The following FAM20C variants were observed in gnomAD, a reference collection of about 807,000 sequenced individuals.
FAM20C encodes the protein FAM20C golgi associated secretory pathway kinase.
In FAM20C, 40 loss-of-function variants were observed where a neutral mutation model predicts 51.5. The ratio of observed to expected loss-of-function variants is 0.78; its 90% CI spans 0.60 to 1.01. The LOEUF is 1.01. FAM20C is among the 50% of genes least tolerant of loss of function. The probability of loss-of-function intolerance (pLI) is 0.00; values close to 1 mark genes in which losing one functional copy is unlikely to be tolerated. For missense variants in FAM20C, 861 were observed against 844.7 expected (o/e 1.02, Z -0.24); for synonymous variants, 406 against 380.6 (o/e 1.07, Z -0.78).
chr7:196,210 C>A (rs192667955), intron 2 of FAM20C, among the ~76,000 whole-genome samples: 1 of 152,226 alleles, frequency 6.6e-6, no homozygotes, highest in East Asian at 1.9e-4. Flanking sequence ...CTCAGCAAGG[C>A]GCTGTGCAGT....
chr7:216,684 A>AGACTGAGT (rs1562376383), intron 3 of FAM20C, among the ~76,000 whole-genome samples: 4 of 149,376 alleles, frequency 2.7e-5, no homozygotes, highest in African/African-American at 2.5e-5. Context: ...TGTGTGTGAG[A>AGACTGAGT]GTGTGTGTGT....
At chr7:242,282 G>T (rs1400014942) in intron 3 of FAM20C, among the ~76,000 whole-genome samples, 2 of 152,216 alleles carry the variant, frequency 1.3e-5, no homozygotes, top group Non-Finnish European at 2.9e-5. Context: ...GCAGCAAGAT[G>T]AACACCCAGA....
At chr7:220,498 G>A (rs927734018) in intron 3 of FAM20C, among the ~76,000 whole-genome samples, 1 of 152,196 alleles carries the variant, frequency 6.6e-6, no homozygotes, top group Non-Finnish European at 1.5e-5. Context: ...GAGCATGGCA[G>A]AGACGGGCTT....
intron 3 of FAM20C, among the ~76,000 whole-genome samples, chr7:216,839 C>T (rs552177753): frequency 2.8e-4 from 43 of 152,226 alleles, no homozygotes; most frequent in African/African-American, 1.0e-3. Context: ...GCGGGGCTGA[C>T]ACAGTATTTC....
At chr7:206,621 G>T (rs1228177429) in intron 2 of FAM20C, among the ~76,000 whole-genome samples, 2 of 129,112 alleles carry the variant, frequency 1.5e-5, no homozygotes, top group African/African-American at 2.8e-5. Context: ...CGTCTGTCAT[G>T]GTCCCCTCGG....
chr7:255,623 G>A (rs1042186791), intron 5 of FAM20C, among the ~76,000 whole-genome samples: 1 of 152,158 alleles, frequency 6.6e-6, no homozygotes, highest in African/African-American at 2.4e-5. Flanking sequence ...GGTTCAGGCC[G>A]GGCTCTGCCT....
intron 3 of FAM20C, among the ~76,000 whole-genome samples, chr7:226,392 C>T (rs536282764): frequency 1.2e-4 from 19 of 152,310 alleles, no homozygotes; most frequent in African/African-American, 3.4e-4. Context: ...CCTGCATGGG[C>T]TGACTCAGAG....
Position 228,093 on chromosome 7 carries a change from G to A in FAM20C, c.864-18322G>A, listed in dbSNP as rs28594078. 779 of 259,172 alleles carry A rather than the reference G, an allele frequency of 3.0e-3. 4 individuals carry two copies. Among genetic ancestry groups the A allele is most frequent in the African/African-American group, 0.016 (713 of 45,622 alleles). The allele number at this position is 259,172 out of a possible 1,614,324, so 16.1% of individuals were successfully genotyped here. A position where few individuals can be genotyped will look rare whatever the true frequency, so the allele number is the denominator to read the frequency against. On this transcript the variant is annotated intron_variant, in intron 3 of 9. Coordinates refer to ENST00000313766, the MANE Select transcript of FAM20C (RefSeq NM_020223.4). ...CCCTTTAGCCGCACCACAGCGACCC[G>A]TCAGAGCTGATGGGGGACGGCGGGC...
intron 3 of FAM20C, chr7:245,810 C>T (rs1298931651): frequency 6.6e-6 from 1 of 152,338 alleles, no homozygotes; most frequent in Non-Finnish European, 1.5e-5. Context: ...ATAAACAGCC[C>T]CACCTGTGGC....
chr7:192,604 G>A lies in FAM20C; in HGVS notation c.-596G>A, dbSNP rs556715829. Reference sequence around the variant, plus strand: ...CGGCCAGGCGGGAGCTGCGCTCGGGGCGGCCGCTGCACCTGCCCGGGACCC... The same window carrying A: ...CGGCCAGGCGGGAGCTGCGCTCGGGACGGCCGCTGCACCTGCCCGGGACCC... On this transcript the variant is annotated 5_prime_UTR_variant, in exon 1 of 10. Coordinates refer to ENST00000313766, the MANE Select transcript of FAM20C (RefSeq NM_020223.4). Among the ~76,000 whole-genome samples, 50 of 150,620 alleles carry A rather than the reference G, an allele frequency of 3.3e-4. No individual in the cohort carries two copies. The highest frequency in any genetic ancestry group is 1.2e-3 in the African/African-American group (48 of 41,360).
intron 3 of FAM20C, among the ~76,000 whole-genome samples, chr7:243,944 A>AATAATTATTATT (rs771341264): frequency 8.8e-4 from 121 of 136,842 alleles, no homozygotes; most frequent in Middle Eastern, 7.2e-3. Flanking sequence ...TAATAATAAT[A>AATAATTATTATT]ATTATTATTA....
chr7:194,198 T>C, intron 1 of FAM20C: 1 of 201,536 alleles, frequency 5.0e-6, no homozygotes, highest in Non-Finnish European at 1.0e-5. Flanking sequence ...GTGGGCACCT[T>C]GGAGAAGGTC....
rs1221582917 is a variant in FAM20C at position 193,556 on chromosome 7, C to T, written c.357C>T (p.Arg119=). The T allele has an allele frequency of 5.3e-6, 8 of 1,496,618 alleles. No individual in the cohort carries two copies. The highest frequency in any genetic ancestry group is 7.1e-6 in the Non-Finnish European group (8 of 1,120,662). 92.7% of individuals were successfully genotyped at this position (1,496,618 alleles called of 1,614,324 possible). Residue 119 remains arginine, a synonymous_variant, in exon 1 of 10, where the codon CGC becomes CGT. Coordinates refer to ENST00000313766, the MANE Select transcript of FAM20C (RefSeq NM_020223.4). ...CGCCCGCGGCCGAGCCGGCCGAGCG[C>T]GCCTTGCGGGGGCGGGATCCCGGCG... ...KLPPAAEPAE[R]ALRGRDPGAL...
At chr7:206,186 C>T (rs984190696) in intron 2 of FAM20C, among the ~76,000 whole-genome samples, 1 of 152,310 alleles carries the variant, frequency 6.6e-6, no homozygotes, top group East Asian at 1.9e-4. Context: ...GTCACTCCAC[C>T]AGATACCTCT....
At chr7:243,779 C>T (rs933572473) in intron 3 of FAM20C, among the ~76,000 whole-genome samples, 15 of 152,156 alleles carry the variant, frequency 9.9e-5, no homozygotes, top group East Asian at 1.9e-4. Flanking sequence ...GAGACCTGGG[C>T]GCCGCCTCTG....
intron 2 of FAM20C, among the ~76,000 whole-genome samples, chr7:197,858 C>T (rs111581245): frequency 3.9e-5 from 6 of 152,328 alleles, no homozygotes; most frequent in African/African-American, 1.4e-4. Flanking sequence ...CATCTTTGCC[C>T]ACCTTAGGAG....
In FAM20C at chr7:193,939, G is replaced by A. The variant is rs980422861; in HGVS notation, c.605+135G>A. 7.7e-6 allele frequency: 10 copies of A among 1,304,956 alleles called. No individual in the cohort carries two copies. In the East Asian group the frequency reaches 2.3e-4, roughly 30 times the overall value. 80.8% of individuals were successfully genotyped at this position (1,304,956 alleles called of 1,614,324 possible). ...AGGGAGTGTGGTGCGGGAGGAGGCA[G>A]CCGCCTACCTCAGGGCGCTGCCTTT... On this transcript the variant is annotated intron_variant, in intron 1 of 9. Transcript: ENST00000313766.
At chr7:213,081 G>C (rs1244848889) in intron 3 of FAM20C, among the ~76,000 whole-genome samples, 2 of 152,194 alleles carry the variant, frequency 1.3e-5, no homozygotes, top group Non-Finnish European at 2.9e-5. Context: ...AGTCCTTTGT[G>C]AGTGACACGT....
intron 3 of FAM20C, among the ~76,000 whole-genome samples, chr7:217,940 T>C (rs1019256909): frequency 4.6e-5 from 7 of 152,104 alleles, no homozygotes; most frequent in African/African-American, 1.7e-4. Flanking sequence ...GTTCTATTGA[T>C]GTTCCTGTTC....
Sources: gnomAD v4.1 joint callset for allele counts (sites outside exome capture counted in the v4.1 genomes callset) on GRCh38, gnomAD v4.1.1 for gene constraint, MANE v1.5 for transcripts, NCBI Gene and HGNC (gene_info 2026-07-23, HGNC 2026-07-21) for gene names.